TENM1: variants seen among roughly 807,000 people sequenced by gnomAD.
TENM1 encodes the protein teneurin-1.
TENM1 carries 35 observed loss-of-function variants against 174.8 expected under a neutral mutation model. That is an observed-to-expected ratio of 0.20 (90% CI 0.15 to 0.27). The LOEUF (loss-of-function observed/expected upper bound fraction) is 0.27, where lower values mean the gene tolerates loss of function less well. TENM1 is among the 10% of genes least tolerant of loss of function. TENM1 has a pLI of 1.00. For missense variants in TENM1, 1,633 were observed against 2,130.1 expected (o/e 0.77, Z 4.59); for synonymous variants, 781 against 798.7 (o/e 0.98, Z 0.37).
chrX:125,044,032 G>A, the TENM1 span, among the ~76,000 whole-genome samples: 2 of 32,665 alleles, frequency 6.1e-5, no homozygotes, highest in Non-Finnish European at 1.0e-4. Context: ...GGGGAGGGGG[G>A]AGGGATAGCA....
At chrX:124,436,835 T>C (rs943867252) in intron 23 of TENM1, among the ~76,000 whole-genome samples, 6 of 110,426 alleles carry the variant, frequency 5.4e-5, no homozygotes, top group Non-Finnish European at 1.1e-4. Flanking sequence ...TATCTCTATC[T>C]CTTGTTTTTT....
intron 3 of TENM1, among the ~76,000 whole-genome samples, chrX:124,824,300 T>C (rs752540848): frequency 2.7e-5 from 3 of 112,378 alleles, no homozygotes; most frequent in Non-Finnish European, 5.6e-5. Flanking sequence ...ATAATTGCTG[T>C]TTATTTAACT....
intron 1 of TENM1, among the ~76,000 whole-genome samples, chrX:124,962,485 C>G (rs1051525560): frequency 8.9e-6 from 1 of 112,000 alleles, no homozygotes; most frequent in African/African-American, 3.2e-5. Flanking sequence ...AAAATTAAGT[C>G]TATTACTTTT....
At chrX:125,049,638 T>C in the TENM1 span, among the ~76,000 whole-genome samples, 2 of 112,085 alleles carry the variant, frequency 1.8e-5, no homozygotes, top group South Asian at 7.4e-4. Flanking sequence ...GACTACACTA[T>C]TGTACATTTT....
intron 6 of TENM1, among the ~76,000 whole-genome samples, chrX:124,668,901 A>T (rs1240719029): frequency 8.9e-6 from 1 of 112,151 alleles, no homozygotes; most frequent in Non-Finnish European, 1.9e-5. Context: ...TAACAGTTTA[A>T]AAATAATAGG....
chrX:125,130,819 A>C, the TENM1 span, among the ~76,000 whole-genome samples: 2 of 112,061 alleles, frequency 1.8e-5, no homozygotes, highest in African/African-American at 6.5e-5. Context: ...TGTGTTGGGA[A>C]TACAATAATG....
intron 3 of TENM1, among the ~76,000 whole-genome samples, chrX:124,849,305 T>C (rs2056672261): frequency 9.0e-6 from 1 of 111,461 alleles, no homozygotes. Context: ...GTAACTTCAT[T>C]ATAATCAATA....
At chrX:124,525,725 C>G (rs2047959852) in intron 16 of TENM1, among the ~76,000 whole-genome samples, 1 of 111,907 alleles carries the variant, frequency 8.9e-6, no homozygotes, top group Non-Finnish European at 1.9e-5. Context: ...TGAATCCCAG[C>G]TCTGCCCTGT....
intron 3 of TENM1, 107 bp from the exon 7 acceptor site, chrX:124,737,304 G>A: frequency 3.3e-6 from 3 of 914,936 alleles, no homozygotes; most frequent in Non-Finnish European, 4.4e-6. Flanking sequence ...TAAAACCTGT[G>A]GGGTGAGGGA....
intron 16 of TENM1, among the ~76,000 whole-genome samples, chrX:124,525,631 G>T (rs2047958087): frequency 8.9e-6 from 1 of 112,068 alleles, no homozygotes; most frequent in Non-Finnish European, 1.9e-5. Context: ...CTTTTATTCT[G>T]TACTTCTGGA....
intron 3 of TENM1, among the ~76,000 whole-genome samples, chrX:124,747,851 A>G (rs2053961534): frequency 1.8e-5 from 2 of 110,831 alleles, no homozygotes; most frequent in Non-Finnish European, 3.8e-5. Context: ...GGGAATGATG[A>G]CAACCTGGAT....
chrX:124,737,721 G>A (rs955245546), intron 3 of TENM1, among the ~76,000 whole-genome samples: 6 of 112,517 alleles, frequency 5.3e-5, no homozygotes, highest in African/African-American at 1.9e-4. Flanking sequence ...AACAGCTCAC[G>A]AGTGTGTCGC....
Position 124,885,526 on chromosome X carries a change from T to C in TENM1, c.535+8770A>G, listed in dbSNP as rs747627453. The stretch of plus-strand genomic sequence containing the variant: ...AAAATAACATTTAATTAAGACTTAG[T>C]AATATTGGAAATTGCTCACATTTTA... On this transcript the variant is annotated intron_variant, in intron 3 of 31. Coordinates refer to ENST00000422452, the Ensembl canonical transcript of TENM1. 2.5e-3 allele frequency among the ~76,000 whole-genome samples: 280 copies of C among 111,042 alleles called. 1 individual carries two copies. Among genetic ancestry groups the C allele is most frequent in the Non-Finnish European group, 4.5e-3 (238 of 52,960 alleles).
chrX:124,862,397 C>G (rs1388529964), intron 3 of TENM1, among the ~76,000 whole-genome samples: 1 of 111,711 alleles, frequency 9.0e-6, no homozygotes, highest in Non-Finnish European at 1.9e-5. Context: ...ACCAATACCC[C>G]CCTCCCCCCA....
At chrX:124,382,524 TATAC>T in intron 31 of TENM1, 142 bp downstream of exon 34, 1 of 527,866 alleles carries the variant, frequency 1.9e-6, no homozygotes, top group Non-Finnish European at 2.9e-6. Context: ...GAGCTTTTTT[TATAC>T]CTTCTCATTA....
chrX:124,813,860 A>C (rs898746499), intron 3 of TENM1, among the ~76,000 whole-genome samples: 1 of 111,517 alleles, frequency 9.0e-6, no homozygotes, highest in Admixed American at 9.5e-5. Context: ...TGACATAAAA[A>C]AGCAGCAATT....
At chrX:124,662,149 A>T (rs2148415418) in intron 6 of TENM1, among the ~76,000 whole-genome samples, 1 of 110,576 alleles carries the variant, frequency 9.0e-6, no homozygotes, top group Non-Finnish European at 1.9e-5. Flanking sequence ...TTGGCTCCTC[A>T]TTCTTTGTCT....
chrX:124,545,445 T>C (rs995435994), intron 15 of TENM1, among the ~76,000 whole-genome samples: 6 of 112,208 alleles, frequency 5.3e-5, no homozygotes, highest in African/African-American at 1.9e-4. Flanking sequence ...AGGTCTTGAC[T>C]TTCTCCCCTT....
chrX:124,713,555 A>G (rs886585486), intron 4 of TENM1, among the ~76,000 whole-genome samples: 2 of 112,519 alleles, frequency 1.8e-5, no homozygotes, highest in African/African-American at 3.2e-5. Context: ...GGCGTGAGCC[A>G]CCATGCCCAG....
Sources: allele counts gnomAD v4.1 joint callset (sites outside exome capture counted in the v4.1 genomes callset), GRCh38; gene constraint gnomAD v4.1.1; transcripts MANE v1.5; gene names NCBI Gene and HGNC (gene_info 2026-07-23, HGNC 2026-07-21).